The following CNOT3 variants were observed in gnomAD, a reference collection of about 807,000 sequenced individuals.
The protein encoded by CNOT3 is CCR4-NOT transcription complex subunit 3.
A neutral mutation model predicts 89.4 loss-of-function variants in CNOT3; 2 were observed. That is an observed-to-expected ratio of 0.02 (90% CI 0.01 to 0.07). The LOEUF (loss-of-function observed/expected upper bound fraction) is 0.07. Ranked by LOEUF, CNOT3 falls within the 10% of genes least tolerant of loss-of-function variation. CNOT3 has a pLI of 1.00. For missense variants in CNOT3, 664 were observed against 1,010.2 expected (o/e 0.66, Z 4.65); for synonymous variants, 486 against 402.0 (o/e 1.21, Z -2.50).
intron 10 of CNOT3, among the ~76,000 whole-genome samples, chr19:54,147,205 G>A (rs36664): frequency 0.71 from 108,321 of 152,136 alleles, 39,480 homozygotes; most frequent in African/African-American, 0.87. Context: ...CAACTCCTTT[G>A]ACATCTCCCA....
chr19:54,155,086 ACCTCTGCGGCCCCCT>A, intron 17 of CNOT3: 1 of 568,266 alleles, frequency 1.8e-6, no homozygotes, highest in East Asian at 3.2e-5. Flanking sequence ...CTTCGGTGGA[ACCTCTGCGGCCCCCT>A]CCGTTTCCTC....
intron 17 of CNOT3, 178 bp from the exon 18 acceptor site, chr19:54,155,131 A>T: frequency 1.5e-6 from 1 of 655,640 alleles, no homozygotes; most frequent in Non-Finnish European, 2.5e-6. Context: ...GTGGCATGAT[A>T]ACATTTCCTA....
chr19:54,153,630 C>A, intron 16 of CNOT3, 85 bp from the exon 17 acceptor site: 1 of 1,029,396 alleles, frequency 9.7e-7, no homozygotes, highest in Non-Finnish European at 1.5e-6. Flanking sequence ...GGCCGGGGTT[C>A]AGCCCTGATG....
At chr19:54,147,008 C>T (rs1043494659) in intron 10 of CNOT3, among the ~76,000 whole-genome samples, 2 of 152,120 alleles carry the variant, frequency 1.3e-5, no homozygotes, top group African/African-American at 2.4e-5. Context: ...TGAGTCTGGC[C>T]AGGTCTGCAG....
At chr19:54,140,899 G>A (rs587759649) in intron 1 of CNOT3, among the ~76,000 whole-genome samples, 11 of 152,300 alleles carry the variant, frequency 7.2e-5, no homozygotes, top group Admixed American at 3.3e-4. Flanking sequence ...CAGGGAGGGC[G>A]TCACCTGCCT....
At position 54,148,847 on chromosome 19, in the gene CNOT3, G is replaced by A. The variant is rs2074864050; in HGVS notation, c.1406+104G>A. 2 of 1,033,150 alleles carry A rather than the reference G, an allele frequency of 1.9e-6. No individual in the cohort carries two copies. Among genetic ancestry groups the A allele is most frequent in the East Asian group, 2.6e-5 (1 of 38,230 alleles). The allele number at this position is 1,033,150 out of a possible 1,614,324, so 64.0% of individuals were successfully genotyped here. On this transcript the variant is annotated intron_variant, in intron 12 of 17. Transcript: ENST00000221232. This position sits in a 1 kb window ranked among gnomAD's most constrained non-coding sequence, Gnocchi z 6.3. ...GGTGGGTTCTGAACCCCCCGCCCTTGCTGCTGGGAATGGCCAAGCGCTATC... is the reference window on the plus strand; with the variant it reads ...GGTGGGTTCTGAACCCCCCGCCCTTACTGCTGGGAATGGCCAAGCGCTATC...
At chr19:54,146,144 G>A (rs1427137703) in intron 9 of CNOT3, 101 bp downstream of exon 9, 3 of 1,292,052 alleles carry the variant, frequency 2.3e-6, no homozygotes, top group Admixed American at 1.9e-5. Flanking sequence ...GCGTAATTGA[G>A]GAAACACAGA....
rs201428907 is a variant in CNOT3 at position 54,145,837 on chromosome 19, C to T, written c.703+20C>T. 78 of 1,608,070 alleles carry T rather than the reference C, an allele frequency of 4.9e-5. No homozygotes were observed. The African/African-American group carries it at 7.5e-4, about 15-fold the overall frequency. ...ACATTCGTGAGGCCCTGGGGCTGAT[C>T]GTGGCACAGGAAGTGAGGGCCCAGA... On this transcript the variant is annotated intron_variant, in intron 8 of 17. Coordinates refer to ENST00000221232, the MANE Select transcript of CNOT3 (RefSeq NM_014516.4). The surrounding 1 kb of genome is among the most constrained non-coding windows in gnomAD (Gnocchi z 5.9).
At chr19:54,154,297 T>C (rs1217747135) in intron 17 of CNOT3, 4 of 318,842 alleles carry the variant, frequency 1.3e-5, no homozygotes, top group Non-Finnish European at 2.5e-5. Context: ...CTTCTCAAGT[T>C]CTAATACTGG....
intron 9 of CNOT3, 125 bp downstream of exon 9, chr19:54,146,168 G>A (rs1167997428): frequency 2.9e-6 from 3 of 1,040,318 alleles, no homozygotes; most frequent in Admixed American, 2.2e-5. Flanking sequence ...AGGTATCCAG[G>A]GTCTAGGCTC....
intron 13 of CNOT3, 79 bp downstream of exon 13, chr19:54,149,837 T>A: frequency 7.2e-7 from 1 of 1,397,540 alleles, no homozygotes; most frequent in Non-Finnish European, 9.7e-7. Context: ...GCTGCACCCC[T>A]TGCCCCCACC....
intron 13 of CNOT3, among the ~76,000 whole-genome samples, chr19:54,151,430 G>A (rs587641345): frequency 6.6e-5 from 10 of 152,256 alleles, no homozygotes; most frequent in Middle Eastern, 3.4e-3. Context: ...ATAGCTGGGC[G>A]TGGTGGCTCA....
intron 13 of CNOT3, among the ~76,000 whole-genome samples, chr19:54,151,428 G>A (rs1425772754): frequency 6.6e-6 from 1 of 152,152 alleles, no homozygotes; most frequent in African/African-American, 2.4e-5. Flanking sequence ...GGATAGCTGG[G>A]CGTGGTGGCT....
chr19:54,152,695 G>C, intron 15 of CNOT3, 69 bp downstream of exon 15: 5 of 1,339,668 alleles, frequency 3.7e-6, no homozygotes, highest in Non-Finnish European at 5.3e-6. Context: ...GGCTGAACCT[G>C]TGAGGCTGTG....
chr19:54,155,440 C>T lies in CNOT3; in HGVS notation c.*33C>T, dbSNP rs1293685191. 3 of 1,428,256 alleles carry T rather than the reference C, an allele frequency of 2.1e-6. No homozygotes were observed. Among genetic ancestry groups the T allele is most frequent in the Non-Finnish European group, 1.9e-6 (2 of 1,036,748 alleles). 88.5% of individuals were successfully genotyped at this position (1,428,256 alleles called of 1,614,324 possible). On this transcript the variant is annotated 3_prime_UTR_variant, in exon 18 of 18. Coordinates refer to ENST00000221232, the MANE Select transcript of CNOT3 (RefSeq NM_014516.4). The stretch of plus-strand genomic sequence containing the variant: ...CCCTCCCTCTACCCACCCCCTTCCC[C>T]CGCATGCTGATCCCCCTGCCCAGGT...
At chr19:54,138,514 G>A (rs891316871) in intron 1 of CNOT3, among the ~76,000 whole-genome samples, 8 of 152,084 alleles carry the variant, frequency 5.3e-5, no homozygotes, top group Middle Eastern at 3.2e-3. Context: ...GGGAGGGGGG[G>A]TGGTGGTCGG....
chr19:54,139,684 C>T (rs587772150), intron 1 of CNOT3, among the ~76,000 whole-genome samples: 2 of 152,282 alleles, frequency 1.3e-5, no homozygotes, highest in South Asian at 2.1e-4. Context: ...GCTTCCAAAA[C>T]CCCCTCTTGA....
At chr19:54,139,488 C>A (rs1439376219) in intron 1 of CNOT3, among the ~76,000 whole-genome samples, 1 of 152,098 alleles carries the variant, frequency 6.6e-6, no homozygotes, top group Admixed American at 6.5e-5. Flanking sequence ...GGGCTCTTCC[C>A]TCTGGGGCTG....
At chr19:54,153,056 C>CG (rs759315387) in intron 16 of CNOT3, 57 bp downstream of exon 16, 1 of 1,549,902 alleles carries the variant, frequency 6.5e-7, no homozygotes, top group Non-Finnish European at 8.8e-7. Flanking sequence ...CCACCGCCGC[C>CG]GTCCCCCCTC....
Sources: allele counts gnomAD v4.1 joint callset (sites outside exome capture counted in the v4.1 genomes callset), GRCh38; gene constraint gnomAD v4.1.1; non-coding constraint Gnocchi (gnomAD v3.1); transcripts MANE v1.5; gene names NCBI Gene and HGNC (gene_info 2026-07-23, HGNC 2026-07-21).